Variants in DGKB observed in about 807,000 individuals in gnomAD.
DGKB encodes the protein diacylglycerol kinase beta, also known as 90 kDa diacylglycerol kinase.
In DGKB, 67 loss-of-function variants were observed where a neutral mutation model predicts 114.3. The ratio of observed to expected loss-of-function variants is 0.59; its 90% CI spans 0.48 to 0.72. DGKB has a LOEUF of 0.72. Among genes scored for constraint, DGKB ranks in the 30% least tolerant of loss-of-function variants. DGKB has a pLI of 0.00. For missense variants in DGKB, 907 were observed against 975.2 expected, an observed-to-expected ratio of 0.93 and a Z score of 0.93; for synonymous variants, 398 against 323.1, an observed-to-expected ratio of 1.23 and a Z score of -2.49.
upstream of DGKB, chr7:14,903,143 T>C: frequency 6.6e-6 from 1 of 152,376 alleles, no homozygotes; most frequent in South Asian, 2.1e-4. Flanking sequence ...TGTCCATGAC[T>C]AACGCTCTTC....
chr7:14,816,099 G>A (rs768860482), intron 2 of DGKB, among the ~76,000 whole-genome samples: 1 of 152,168 alleles, frequency 6.6e-6, no homozygotes, highest in African/African-American at 2.4e-5. Context: ...GGGAGGACGA[G>A]GCGGGCAGAT....
intron 5 of DGKB, among the ~76,000 whole-genome samples, chr7:14,733,568 T>C (rs1300940602): frequency 6.6e-6 from 1 of 152,046 alleles, no homozygotes; most frequent in East Asian, 1.9e-4. Flanking sequence ...GCTCCTGTAG[T>C]TCCCAACTAC....
chr7:14,785,592 T>C (rs912352958), intron 2 of DGKB, among the ~76,000 whole-genome samples: 4 of 152,168 alleles, frequency 2.6e-5, no homozygotes, highest in Non-Finnish European at 5.9e-5. Context: ...TAGAACCGAA[T>C]TAAAAATTCA....
intron 1 of DGKB, among the ~76,000 whole-genome samples, chr7:14,951,590 A>G (rs1489643744): frequency 6.6e-6 from 1 of 152,050 alleles, no homozygotes; most frequent in Admixed American, 6.6e-5. Context: ...GTGAATACAT[A>G]TCATTATATA....
intron 20 of DGKB, among the ~76,000 whole-genome samples, chr7:14,516,451 C>G (rs1237485240): frequency 6.6e-6 from 1 of 152,122 alleles, no homozygotes; most frequent in African/African-American, 2.4e-5. Flanking sequence ...AGTTGAAGAT[C>G]TGATCTGGAA....
At chr7:14,804,460 G>A (rs1477887914) in intron 2 of DGKB, among the ~76,000 whole-genome samples, 1 of 151,358 alleles carries the variant, frequency 6.6e-6, no homozygotes, top group Non-Finnish European at 1.5e-5. Flanking sequence ...TTATTATTTC[G>A]ACCTATTTCT....
intron 2 of DGKB, among the ~76,000 whole-genome samples, chr7:14,801,818 C>T (rs1206234824): frequency 6.6e-6 from 1 of 151,646 alleles, no homozygotes; most frequent in Non-Finnish European, 1.5e-5. Flanking sequence ...TCTCTCTCTC[C>T]CCCCGATATA....
rs536000517 is a variant in DGKB at position 14,518,267 on chromosome 7, G to A, written c.1771-40042C>T. On this transcript the variant is annotated intron_variant, in intron 20 of 25. Transcript: ENST00000402815. ...ATAAGTGGGACTAAACATCAAGTAC[G>A]TATGAACACAGAGAAAAGAATAACA... Among the ~76,000 whole-genome samples, 14 of 152,062 alleles carry A rather than the reference G, an allele frequency of 9.2e-5. No individual in the cohort carries two copies. In the East Asian group the frequency reaches 2.3e-3, roughly 25 times the overall value.
intron 7 of DGKB, among the ~76,000 whole-genome samples, chr7:14,699,863 A>G (rs1824794780): frequency 6.6e-6 from 1 of 152,218 alleles, no homozygotes; most frequent in South Asian, 2.1e-4. Context: ...AAATATTGCT[A>G]GTAGTCTACT....
intron 20 of DGKB, among the ~76,000 whole-genome samples, chr7:14,478,514 T>C (rs1226408536): frequency 6.6e-6 from 1 of 152,168 alleles, no homozygotes; most frequent in Non-Finnish European, 1.5e-5. Flanking sequence ...AATGACTGGC[T>C]TTGGCCTCAT....
intron 21 of DGKB, among the ~76,000 whole-genome samples, chr7:14,389,262 A>G (rs1243175640): frequency 6.6e-6 from 1 of 152,176 alleles, no homozygotes; most frequent in Non-Finnish European, 1.5e-5. Flanking sequence ...TACTGTTTTC[A>G]CCCATCAAAC....
chr7:14,223,726 T>A (rs990553397), intron 23 of DGKB, among the ~76,000 whole-genome samples: 13 of 151,758 alleles, frequency 8.6e-5, no homozygotes, highest in African/African-American at 3.1e-4. Flanking sequence ...TTATTTGGGA[T>A]TATGTTTATT....
At chr7:14,535,568 T>C (rs1026429277) in intron 20 of DGKB, among the ~76,000 whole-genome samples, 1 of 151,964 alleles carries the variant, frequency 6.6e-6, no homozygotes, top group Admixed American at 6.6e-5. Flanking sequence ...TCAACAAAAC[T>C]AAGAGTTGCT....
At chr7:14,794,695 C>G (rs1363806513) in intron 2 of DGKB, among the ~76,000 whole-genome samples, 10 of 152,078 alleles carry the variant, frequency 6.6e-5, no homozygotes, top group Admixed American at 6.5e-4. Context: ...AGCTTTCGGT[C>G]TGGCAGGAGG....
intron 1 of DGKB, among the ~76,000 whole-genome samples, chr7:14,883,702 G>T (rs981758636): frequency 6.6e-6 from 1 of 151,864 alleles, no homozygotes; most frequent in Non-Finnish European, 1.5e-5. Context: ...GAAGAAACCT[G>T]AACCTAAAGG....
chr7:14,784,057 A>C (rs1839503767), intron 2 of DGKB, among the ~76,000 whole-genome samples: 1 of 152,178 alleles, frequency 6.6e-6, no homozygotes, highest in Non-Finnish European at 1.5e-5. Context: ...AGTTTTACTG[A>C]ATGCTTTTAA....
At chr7:14,673,112 C>T in intron 12 of DGKB, 85 bp from the exon 13 acceptor site, 1 of 725,628 alleles carries the variant, frequency 1.4e-6, no homozygotes, top group Middle Eastern at 2.4e-4. Context: ...CGAGATACAG[C>T]AAACACATTA....
chr7:14,357,574 T>C (rs930321670), intron 21 of DGKB, among the ~76,000 whole-genome samples: 1 of 152,238 alleles, frequency 6.6e-6, no homozygotes, highest in South Asian at 2.1e-4. Context: ...TGTCTTTTAA[T>C]TGGGGCATTT....
chr7:14,661,278 T>A (rs1049820387), intron 13 of DGKB, among the ~76,000 whole-genome samples: 9 of 146,324 alleles, frequency 6.2e-5, no homozygotes, highest in Non-Finnish European at 1.2e-4. Flanking sequence ...ACCTACAGAA[T>A]GGGAGAAAAT....
Sources: gnomAD v4.1 joint callset for allele counts (sites outside exome capture counted in the v4.1 genomes callset) on GRCh38, gnomAD v4.1.1 for gene constraint, MANE v1.5 for transcripts, NCBI Gene and HGNC (gene_info 2026-07-23, HGNC 2026-07-21) for gene names.